Variants in SLC35D4 observed in about 807,000 individuals in gnomAD.
The protein encoded by SLC35D4 is UDP-N-acetylglucosamine transporter SLC35D4.
the SLC35D4 span, chr18:23,309,540 C>T: frequency 1.2e-5 from 8 of 672,728 alleles, no homozygotes; most frequent in South Asian, 4.1e-5. Flanking sequence ...AAGAAAGCTT[C>T]GCTAATATGA....
the SLC35D4 span, chr18:23,254,007 C>T: frequency 1.9e-5 from 25 of 1,301,036 alleles, no homozygotes; most frequent in South Asian, 3.6e-5. Flanking sequence ...CAGAAGGATT[C>T]GGTCAGTGAC....
At chr18:23,399,367 C>T in the SLC35D4 span, among the ~76,000 whole-genome samples, 1 of 152,226 alleles carries the variant, frequency 6.6e-6, no homozygotes, top group Non-Finnish European at 1.5e-5. Flanking sequence ...TCTGCTTCTC[C>T]CTGTGCATCC....
At chr18:23,262,554 G>A in the SLC35D4 span, among the ~76,000 whole-genome samples, 1 of 152,258 alleles carries the variant, frequency 6.6e-6, no homozygotes, top group Non-Finnish European at 1.5e-5. Flanking sequence ...TCTTCCACTG[G>A]GTTCTGTGGG....
the SLC35D4 span, among the ~76,000 whole-genome samples, chr18:23,397,980 T>C: frequency 3.3e-5 from 5 of 152,138 alleles, no homozygotes; most frequent in Non-Finnish European, 7.4e-5. Context: ...TTGAGCCTAT[T>C]GAGCCCAGAA....
the SLC35D4 span, among the ~76,000 whole-genome samples, chr18:23,307,503 C>T: frequency 2.6e-5 from 4 of 152,168 alleles, no homozygotes; most frequent in African/African-American, 9.7e-5. Context: ...TGAAACCCAC[C>T]CGATCGCTTC....
the SLC35D4 span, among the ~76,000 whole-genome samples, chr18:23,417,045 C>A: frequency 6.6e-6 from 1 of 152,140 alleles, no homozygotes; most frequent in South Asian, 2.1e-4. Flanking sequence ...AGTTAGAGAC[C>A]AGCCTGGGCA....
chr18:23,387,593 TTCTTTA>T, the SLC35D4 span, among the ~76,000 whole-genome samples: 4 of 152,230 alleles, frequency 2.6e-5, no homozygotes, highest in African/African-American at 4.8e-5. Flanking sequence ...GATGAATTTA[TTCTTTA>T]TCTTTACGGA....
the SLC35D4 span, among the ~76,000 whole-genome samples, chr18:23,327,097 G>A: frequency 1.3e-5 from 2 of 152,132 alleles, no homozygotes; most frequent in African/African-American, 2.4e-5. Flanking sequence ...GAGAAAGCAG[G>A]AAAGATCTAA....
chr18:23,332,253 A>G, the SLC35D4 span, among the ~76,000 whole-genome samples: 1 of 152,138 alleles, frequency 6.6e-6, no homozygotes, highest in Non-Finnish European at 1.5e-5. Context: ...TGCACACACC[A>G]TAAAATTCAC....
At chr18:23,342,960 T>C in the SLC35D4 span, among the ~76,000 whole-genome samples, 1 of 152,150 alleles carries the variant, frequency 6.6e-6, no homozygotes, top group African/African-American at 2.4e-5. Flanking sequence ...TCTTGATCTG[T>C]CACCCAGGCT....
the SLC35D4 span, chr18:23,384,983 C>A: frequency 6.2e-7 from 1 of 1,612,800 alleles, no homozygotes; most frequent in South Asian, 1.1e-5. Context: ...TTTGCATGAT[C>A]GTTTACCTCT....
chr18:23,330,251 A>T, the SLC35D4 span, among the ~76,000 whole-genome samples: 2 of 152,234 alleles, frequency 1.3e-5, no homozygotes, highest in African/African-American at 2.4e-5. Flanking sequence ...ATTTCTGTAA[A>T]AACAGAAAAC....
At chr18:23,349,480 T>C in the SLC35D4 span, among the ~76,000 whole-genome samples, 1 of 152,102 alleles carries the variant, frequency 6.6e-6, no homozygotes, top group South Asian at 2.1e-4. Context: ...AAATACAAAA[T>C]ATCAGCCAGG....
chr18:23,337,173 T>TA, the SLC35D4 span, among the ~76,000 whole-genome samples: 1 of 149,666 alleles, frequency 6.7e-6, no homozygotes, highest in African/African-American at 2.5e-5. Flanking sequence ...TAGTGAAGGG[T>TA]AAAAAATTAC....
At chr18:23,337,898 T>C in the SLC35D4 span, among the ~76,000 whole-genome samples, 1 of 152,328 alleles carries the variant, frequency 6.6e-6, no homozygotes, top group East Asian at 1.9e-4. Context: ...CTAAGAGATC[T>C]TCATAAGGAT....
At chr18:23,411,830 G>C in the SLC35D4 span, among the ~76,000 whole-genome samples, 1 of 152,132 alleles carries the variant, frequency 6.6e-6, no homozygotes, top group Non-Finnish European at 1.5e-5. Context: ...TGTCGTTATT[G>C]AGATGAAGGC....
At chr18:23,306,168 T>C in the SLC35D4 span, among the ~76,000 whole-genome samples, 1 of 151,612 alleles carries the variant, frequency 6.6e-6, no homozygotes, top group African/African-American at 2.4e-5. Context: ...GCCAGCATGG[T>C]GGTCCTTGAC....
chr18:23,265,625 A>G, the SLC35D4 span, among the ~76,000 whole-genome samples: 5 of 151,648 alleles, frequency 3.3e-5, no homozygotes, highest in South Asian at 2.1e-4. Context: ...AAGCAGCCCA[A>G]TGGGCACTTC....
chr18:23,391,898 G>T, the SLC35D4 span, among the ~76,000 whole-genome samples: 3 of 151,832 alleles, frequency 2.0e-5, no homozygotes, highest in African/African-American at 7.3e-5. Flanking sequence ...ATCTCTCTGT[G>T]ACATCATCTG....
Sources: allele counts gnomAD v4.1 joint callset (sites outside exome capture counted in the v4.1 genomes callset), GRCh38; gene constraint gnomAD v4.1.1; transcripts MANE v1.5; gene names NCBI Gene and HGNC (gene_info 2026-07-23, HGNC 2026-07-21).